Variants in MRC1 observed in about 807,000 individuals in gnomAD.
MRC1 encodes macrophage mannose receptor 1.
In MRC1, 62 loss-of-function variants were observed where a neutral mutation model predicts 102.9. The ratio of observed to expected loss-of-function variants is 0.60; its 90% CI spans 0.49 to 0.74. The LOEUF is 0.74. Among genes scored for constraint, MRC1 ranks in the 30% least tolerant of loss-of-function variants. The probability of loss-of-function intolerance (pLI) is 0.00; values close to 1 mark genes in which losing one functional copy is unlikely to be tolerated. For missense variants in MRC1, 1,237 were observed against 862.8 expected, an observed-to-expected ratio of 1.43 and a Z score of -5.43; for synonymous variants, 457 against 298.4, an observed-to-expected ratio of 1.53 and a Z score of -5.48.
intron 16 of MRC1, 35 bp downstream of exon 16, chr10:17,873,860 A>G (rs1269969390): frequency 1.1e-6 from 1 of 871,034 alleles, no homozygotes; most frequent in African/African-American, 1.6e-5. Context: ...CTCTGTACTG[A>G]TAACCCTTTC....
intron 1 of MRC1, among the ~76,000 whole-genome samples, chr10:17,811,402 G>A (rs1838219315): frequency 6.6e-6 from 1 of 152,126 alleles, no homozygotes; most frequent in South Asian, 2.1e-4. Context: ...CTTCCTGACA[G>A]CAGGATGCCC....
intron 16 of MRC1, 137 bp downstream of exon 16, chr10:17,873,962 G>A: frequency 1.4e-6 from 1 of 697,544 alleles, no homozygotes; most frequent in Non-Finnish European, 2.6e-6. Flanking sequence ...GAACGTCATG[G>A]AAATTTGGGT....
intron 22 of MRC1, among the ~76,000 whole-genome samples, chr10:17,887,244 A>T (rs917445972): frequency 0.043 from 6,522 of 152,208 alleles, 195 homozygotes; most frequent in Non-Finnish European, 0.065. Flanking sequence ...AAAAAAAATT[A>T]GCCGGGCGTG....
chr10:17,900,037 G>T (rs1028419715), intron 24 of MRC1, among the ~76,000 whole-genome samples: 15 of 149,298 alleles, frequency 1.0e-4, no homozygotes, highest in African/African-American at 3.7e-4. Flanking sequence ...GGTGGAGGTT[G>T]CAGTGAGCCT....
chr10:17,857,391 G>T (rs1202406049), intron 9 of MRC1, among the ~76,000 whole-genome samples: 4 of 152,076 alleles, frequency 2.6e-5, no homozygotes, highest in African/African-American at 7.2e-5. Context: ...GTATATTACT[G>T]TCATTTTCTA....
rs1195930252 is a variant in MRC1 at position 17,870,811 on chromosome 10, A to C, written c.2112-37A>C. On this transcript the variant is annotated intron_variant, in intron 13 of 29. Transcript: ENST00000569591. The stretch of plus-strand genomic sequence containing the variant: ...ATAAGTTACTGAACTTGCTTCATGC[A>C]ATAGCATATGCTTTCTTTATGTTTT... 8.0e-6 allele frequency: 7 copies of C among 871,270 alleles called. No individual in the cohort carries two copies. The African/African-American group carries it at 9.8e-5, about 12-fold the overall frequency. 54.0% of individuals were successfully genotyped at this position (871,270 alleles called of 1,614,324 possible).
intron 23 of MRC1, among the ~76,000 whole-genome samples, chr10:17,896,254 C>G (rs1833753680): frequency 6.6e-6 from 1 of 152,226 alleles, no homozygotes; most frequent in African/African-American, 2.4e-5. Context: ...CTAATGTCAA[C>G]TCATGACAAT....
Position 17,875,161 on chromosome 10 carries a change from A to G in MRC1, c.2458A>G (p.Thr820Ala). The change falls in exon 17 of 30, where the codon ACC (threonine) becomes GCC (alanine). Residue 820 changes from threonine (T) to alanine (A), a missense_variant. Coordinates refer to ENST00000569591, the MANE Select transcript of MRC1 (RefSeq NM_002438.4). ...YQYYFSKEKE[T>A]MDNARAFCKR... ...GTATTATTTCAGCAAAGAGAAGGAA[A>G]CCATGGACAATGCGCGAGCGTTTTG... 1 of 780,874 alleles carries G rather than the reference A, an allele frequency of 1.3e-6. No individual in the cohort carries two copies. The highest frequency in any genetic ancestry group is 1.3e-5 in the South Asian group (1 of 74,618). The allele number at this position is 780,874 out of a possible 1,614,324, so 48.4% of individuals were successfully genotyped here. A position where few individuals can be genotyped will look rare whatever the true frequency, so the allele number is the denominator to read the frequency against.
chr10:17,852,817 G>C, intron 7 of MRC1, 150 bp from the exon 8 acceptor site: 1 of 742,188 alleles, frequency 1.3e-6, no homozygotes, highest in Non-Finnish European at 2.5e-6. Context: ...TAGGTCAGAT[G>C]AGCACTCATG....
Position 17,906,931 on chromosome 10 carries a change from T to C in MRC1, c.3845T>C (p.Leu1282Pro). Residue 1282 changes from leucine to proline, a missense_variant, in exon 27 of 30, where the codon CTG becomes CCG. Leu to Pro is a moderately conservative substitution (Grantham distance 98). Transcript: ENST00000569591. Reference sequence around the variant, plus strand: ...GAAAGTGCTGCAGAATCCAGTTTTCTGTCATATCGGGTTGAGCCACTTAAA... The same window carrying C: ...GAAAGTGCTGCAGAATCCAGTTTTCCGTCATATCGGGTTGAGCCACTTAAA... The part of the protein sequence containing the change: ...SIESAAESSF[L>P]SYRVEPLKSK... 1 of 823,256 alleles carries C rather than the reference T, an allele frequency of 1.2e-6. No homozygotes were observed. Among genetic ancestry groups the C allele is most frequent in the Non-Finnish European group, 2.2e-6 (1 of 456,880 alleles). The allele number at this position is 823,256 out of a possible 1,614,324, so 51.0% of individuals were successfully genotyped here.
Position 17,823,074 on chromosome 10 carries a change from A to G in MRC1, c.62A>G (p.Asp21Gly). ...SVIPGAVLLL[D>G]TRQFLIYNED... The stretch of plus-strand genomic sequence containing the variant: ...TTCCTGCTTCTTTCTTTTTAAACAG[A>G]CACCAGGCAATTTTTAATCTATAAT... Residue 21 changes from aspartate to glycine, a missense_variant and splice_region_variant, in exon 2 of 30, where the codon GAC (aspartate) becomes GGC (glycine). Coordinates refer to ENST00000569591, the MANE Select transcript of MRC1 (RefSeq NM_002438.4). 2 of 780,872 alleles carry G rather than the reference A, an allele frequency of 2.6e-6. No individual in the cohort carries two copies. Among genetic ancestry groups the G allele is most frequent in the Non-Finnish European group, 4.8e-6 (2 of 417,956 alleles). The allele number at this position is 780,872 out of a possible 1,614,324, so 48.4% of individuals were successfully genotyped here.
intron 15 of MRC1, among the ~76,000 whole-genome samples, chr10:17,873,042 C>T (rs1554841923): frequency 6.6e-6 from 1 of 152,132 alleles, no homozygotes; most frequent in African/African-American, 2.4e-5. Flanking sequence ...TTAATGGTCT[C>T]TTATCTACCA....
intron 22 of MRC1, among the ~76,000 whole-genome samples, chr10:17,892,165 CTT>C (rs1266100461): frequency 6.6e-6 from 1 of 152,138 alleles, no homozygotes; most frequent in Non-Finnish European, 1.5e-5. Flanking sequence ...TAAAATGGCT[CTT>C]TTCCCACCTC....
chr10:17,879,074 A>C (rs934129414), intron 18 of MRC1, among the ~76,000 whole-genome samples: 3 of 152,102 alleles, frequency 2.0e-5, no homozygotes, highest in Non-Finnish European at 4.4e-5. Flanking sequence ...CTGCCTCTCC[A>C]TGGGTGGTTT....
intron 22 of MRC1, among the ~76,000 whole-genome samples, chr10:17,892,855 C>T (rs1702245729): frequency 1.3e-5 from 2 of 151,688 alleles, no homozygotes; most frequent in African/African-American, 4.8e-5. Context: ...ACTAAAAGTA[C>T]AAAAATTAGC....
chr10:17,861,542 T>C, intron 10 of MRC1, 40 bp downstream of exon 10: 1 of 840,340 alleles, frequency 1.2e-6, no homozygotes, highest in Non-Finnish European at 2.1e-6. Flanking sequence ...ATATGTCAAA[T>C]AGAAAAAAGT....
chr10:17,865,064 C>G (rs1339370242), intron 11 of MRC1, among the ~76,000 whole-genome samples: 5 of 152,144 alleles, frequency 3.3e-5, no homozygotes, highest in Non-Finnish European at 7.3e-5. Flanking sequence ...ACAGTGATAT[C>G]ACTAGCACAC....
Position 17,884,210 on chromosome 10 carries a change from G to A in MRC1, c.2981-1059G>A, listed in dbSNP as rs1238600609. 3.3e-5 allele frequency among the ~76,000 whole-genome samples: 5 copies of A among 152,236 alleles called. No individual in the cohort carries two copies. The South Asian group carries it at 1.0e-3, about 32-fold the overall frequency. On this transcript the variant is annotated intron_variant, in intron 21 of 29. Transcript: ENST00000569591. ...TCTTGAACTCCTGGCCTCAAGCAATGTTGCTGTCTCTGCCTCCCAAAGCAC... is the reference window on the plus strand; with the variant it reads ...TCTTGAACTCCTGGCCTCAAGCAATATTGCTGTCTCTGCCTCCCAAAGCAC...
intron 6 of MRC1, among the ~76,000 whole-genome samples, 170 bp from the exon 7 acceptor site, chr10:17,849,409 C>G (rs1199626691): frequency 6.6e-6 from 1 of 151,666 alleles, no homozygotes; most frequent in African/African-American, 2.4e-5. Flanking sequence ...TAGTATATGC[C>G]TTGTCTATTT....
Sources: allele counts gnomAD v4.1 joint callset (sites outside exome capture counted in the v4.1 genomes callset), GRCh38; gene constraint gnomAD v4.1.1; transcripts MANE v1.5; gene names NCBI Gene and HGNC (gene_info 2026-07-23, HGNC 2026-07-21).